The following ATXN1 variants were observed in gnomAD, a reference collection of about 807,000 sequenced individuals.
The protein encoded by ATXN1 is ataxin 1, also known as ataxin-1.
Under a neutral mutation model 56.4 loss-of-function variants are expected in ATXN1, and 8 were observed. The observed-to-expected ratio is 0.14, with a 90% CI of 0.08 to 0.26. The LOEUF is 0.26. Ranked by LOEUF, ATXN1 falls within the 10% of genes least tolerant of loss-of-function variation. ATXN1 has a pLI of 1.00. For synonymous variants in ATXN1, 514 were observed against 494.6 expected (o/e 1.04, Z -0.52); for missense variants, 987 against 1,106.5 (o/e 0.89, Z 1.53).
intron 2 of ATXN1, among the ~76,000 whole-genome samples, chr6:16,722,037 T>C (rs768380641): frequency 4.3e-4 from 65 of 152,302 alleles, no homozygotes; most frequent in Non-Finnish European, 7.5e-4. Flanking sequence ...AGGGGCACAC[T>C]CAGTGGCCTC....
chr6:16,570,443 C>A (rs1469882643), intron 4 of ATXN1, among the ~76,000 whole-genome samples: 1 of 152,078 alleles, frequency 6.6e-6, no homozygotes, highest in Non-Finnish European at 1.5e-5. Context: ...GGTCATTTTT[C>A]TCCTTCCCAA....
At chr6:16,654,412 C>T (rs554696709) in intron 3 of ATXN1, among the ~76,000 whole-genome samples, 4 of 151,824 alleles carry the variant, frequency 2.6e-5, no homozygotes, top group Non-Finnish European at 4.4e-5. Context: ...GGCACGGTGG[C>T]GCATGCCTGT....
chr6:16,638,354 G>C (rs1468989582), intron 3 of ATXN1, among the ~76,000 whole-genome samples: 1 of 151,490 alleles, frequency 6.6e-6, no homozygotes, highest in Non-Finnish European at 1.5e-5. Context: ...GCTCAGGTGG[G>C]AGGATCACTT....
At chr6:16,532,929 A>G (rs544802918) in intron 4 of ATXN1, among the ~76,000 whole-genome samples, 1 of 152,354 alleles carries the variant, frequency 6.6e-6, no homozygotes, top group South Asian at 2.1e-4. Flanking sequence ...AGATATTTGT[A>G]TACCAGTGTT....
At chr6:16,489,692 C>T (rs138796295) in intron 5 of ATXN1, among the ~76,000 whole-genome samples, 2 of 152,208 alleles carry the variant, frequency 1.3e-5, no homozygotes, top group African/African-American at 4.8e-5. Context: ...GTGGCTCACA[C>T]CTGTAATCCC....
At chr6:16,359,030 C>T (rs369382429) in intron 6 of ATXN1, among the ~76,000 whole-genome samples, 1 of 152,250 alleles carries the variant, frequency 6.6e-6, no homozygotes, top group Admixed American at 6.5e-5. Context: ...CACCCTTGGG[C>T]GCCCCAGGAA....
chr6:16,378,369 C>T (rs550815615), intron 6 of ATXN1, among the ~76,000 whole-genome samples: 1 of 152,244 alleles, frequency 6.6e-6, no homozygotes, highest in East Asian at 1.9e-4. Flanking sequence ...GTAATTCTTT[C>T]AGATAGGCGT....
intron 6 of ATXN1, among the ~76,000 whole-genome samples, chr6:16,477,307 T>C (rs1428998918): frequency 2.6e-5 from 4 of 152,226 alleles, no homozygotes; most frequent in African/African-American, 9.6e-5. Context: ...TTAGATTTCA[T>C]CTAGGCAAGG....
At chr6:16,726,249 G>T (rs543868205) in intron 2 of ATXN1, among the ~76,000 whole-genome samples, 1 of 151,968 alleles carries the variant, frequency 6.6e-6, no homozygotes, top group East Asian at 1.9e-4. Context: ...GCGTGGTGGC[G>T]TGTGCCTGTA....
In ATXN1 at chr6:16,437,293, A is replaced by G. The variant is rs571467135; in HGVS notation, c.-161+48679T>C. Among the ~76,000 whole-genome samples, 415 of 152,348 alleles carry G rather than the reference A, an allele frequency of 2.7e-3. 3 individuals are homozygous for G. The highest frequency in any genetic ancestry group is 9.1e-3 in the African/African-American group (380 of 41,564). On this transcript the variant is annotated intron_variant, in intron 6 of 7. Coordinates refer to ENST00000436367, the MANE Select transcript of ATXN1 (RefSeq NM_001128164.2). ...ATTGTTCCACTTGTGATTAGGCTGTATCGGCTGTGGGTGGGAGTGCGTATC... is the reference window on the plus strand; with the variant it reads ...ATTGTTCCACTTGTGATTAGGCTGTGTCGGCTGTGGGTGGGAGTGCGTATC...
rs541794184 is a variant in ATXN1, at chr6:16,319,131, T to C, written c.1917+7263A>G. On this transcript the variant is annotated intron_variant, in intron 7 of 7. Coordinates refer to ENST00000436367, the MANE Select transcript of ATXN1 (RefSeq NM_001128164.2). ...TCCTAGGGAGGCTGAAGTGGGAGGA[T>C]TGCTTGAGCCTAGGAGGTCAAAGCT... is the stretch of plus-strand genomic sequence containing the variant. Among the ~76,000 whole-genome samples the C allele has an allele frequency of 9.9e-5, 15 of 151,806 alleles. No individual in the cohort carries two copies. In the South Asian group the frequency reaches 1.7e-3, roughly 17 times the overall value.
chr6:16,496,092 C>T (rs1760776170), intron 5 of ATXN1, among the ~76,000 whole-genome samples: 1 of 152,176 alleles, frequency 6.6e-6, no homozygotes, highest in Non-Finnish European at 1.5e-5. Context: ...TACAACAACT[C>T]CATACTTTAA....
chr6:16,389,442 C>T (rs572400216), intron 6 of ATXN1, among the ~76,000 whole-genome samples: 5 of 152,126 alleles, frequency 3.3e-5, no homozygotes, highest in African/African-American at 9.6e-5. Context: ...TAAAAGAAAG[C>T]GACAGATATT....
At chr6:16,486,320 C>A (rs1447133204) in intron 5 of ATXN1, among the ~76,000 whole-genome samples, 1 of 152,174 alleles carries the variant, frequency 6.6e-6, no homozygotes, top group Non-Finnish European at 1.5e-5. Flanking sequence ...AAAGTTGAAG[C>A]CATTTCTGGG....
At chr6:16,340,163 C>G (rs1363179534) in intron 6 of ATXN1, among the ~76,000 whole-genome samples, 1 of 152,176 alleles carries the variant, frequency 6.6e-6, no homozygotes, top group Admixed American at 6.5e-5. Flanking sequence ...TCTGGAATGT[C>G]CTGCCTCACA....
chr6:16,483,590 A>T, intron 6 of ATXN1, among the ~76,000 whole-genome samples: 1 of 152,226 alleles, frequency 6.6e-6, no homozygotes, highest in East Asian at 1.9e-4. Context: ...ATGCACAAAG[A>T]GTTCACTAGA....
intron 6 of ATXN1, among the ~76,000 whole-genome samples, chr6:16,386,671 C>T (rs920170953): frequency 3.3e-5 from 5 of 151,896 alleles, no homozygotes; most frequent in African/African-American, 9.7e-5. Context: ...TGGTGAAGGA[C>T]CTTGTGTAAA....
chr6:16,357,373 G>A (rs913439787), intron 6 of ATXN1, among the ~76,000 whole-genome samples: 5 of 151,932 alleles, frequency 3.3e-5, no homozygotes, highest in Admixed American at 6.6e-5. Flanking sequence ...GGGTTCAAGC[G>A]GTTCTTCTGC....
At chr6:16,441,413 A>C (rs956823321) in intron 6 of ATXN1, among the ~76,000 whole-genome samples, 10 of 152,156 alleles carry the variant, frequency 6.6e-5, no homozygotes, top group Non-Finnish European at 7.3e-5. Context: ...CTTATCCCTA[A>C]AAATACAAGA....
Sources: allele counts gnomAD v4.1 joint callset (sites outside exome capture counted in the v4.1 genomes callset), GRCh38; gene constraint gnomAD v4.1.1; transcripts MANE v1.5; gene names NCBI Gene and HGNC (gene_info 2026-07-23, HGNC 2026-07-21).